Variants in TPH1 observed in about 807,000 individuals in gnomAD.
TPH1 encodes tryptophan 5-hydroxylase 1.
TPH1 carries 37 observed loss-of-function variants against 49.5 expected under a neutral mutation model. The observed-to-expected ratio is 0.75, with a 90% CI of 0.58 to 0.98. The LOEUF (loss-of-function observed/expected upper bound fraction) is 0.98, where lower values mean the gene tolerates loss of function less well. Among genes scored for constraint, TPH1 ranks in the 50% least tolerant of loss-of-function variants. The pLI is 0.00. For missense variants in TPH1, 487 were observed against 523.6 expected, an observed-to-expected ratio of 0.93 and a Z score of 0.68; for synonymous variants, 160 against 182.1, an observed-to-expected ratio of 0.88 and a Z score of 0.98.
intron 2 of TPH1, among the ~76,000 whole-genome samples, 177 bp downstream of exon 2, chr11:18,040,469 G>C (rs1162165436): frequency 6.6e-6 from 1 of 151,384 alleles, no homozygotes; most frequent in African/African-American, 2.4e-5. Flanking sequence ...CCGGACTGAA[G>C]CAATCCTCCC....
chr11:18,036,370 C>A (rs1366130111), intron 2 of TPH1, among the ~76,000 whole-genome samples: 1 of 152,200 alleles, frequency 6.6e-6, no homozygotes, highest in Non-Finnish European at 1.5e-5. Flanking sequence ...TAAAATAACA[C>A]ACACTAGAGG....
Position 18,033,328 on chromosome 11 carries a change from G to T in TPH1, c.348C>A (p.Asp116Glu). Residue 116 changes from aspartate to glutamate, a missense_variant, in exon 4 of 11, where the codon GAC becomes GAA. Asp to Glu is a conservative substitution (Grantham distance 45). Transcript: ENST00000682019. ...ACATCAGAACTCTGTTGGCACAATG[G>T]TCCAGGTCAGAAATCTTCTTTGGAA... Reference protein sequence around the residue: ...PWFPKKISDLDHCANRVLMYG... With the variant: ...PWFPKKISDLEHCANRVLMYG... 1 of 1,614,002 alleles carries T rather than the reference G, an allele frequency of 6.2e-7. No individual in the cohort carries two copies. The highest frequency in any genetic ancestry group is 8.5e-7 in the Non-Finnish European group (1 of 1,179,954).
rs765897076 is a variant in TPH1 at position 18,029,628 on chromosome 11, A to C, written c.403-49T>G. ...AAATATCCATACTAAAAAATACTTGACAAATGATATTTGGGAAACATTTCA... is the reference window on the plus strand; with the variant it reads ...AAATATCCATACTAAAAAATACTTGCCAAATGATATTTGGGAAACATTTCA... On this transcript the variant is annotated intron_variant, in intron 4 of 10. Transcript: ENST00000682019. 4.1e-6 allele frequency: 6 copies of C among 1,453,070 alleles called. No homozygotes were observed. In the South Asian group the frequency reaches 6.9e-5, roughly 17 times the overall value. The allele number at this position is 1,453,070 out of a possible 1,614,324, so 90.0% of individuals were successfully genotyped here.
intron 1 of TPH1, 28 bp from the exon 2 acceptor site, chr11:18,040,816 C>A: frequency 6.3e-7 from 1 of 1,593,154 alleles, no homozygotes; most frequent in South Asian, 1.1e-5. Context: ...AGACTACGGG[C>A]TAAAAAAGAA....
At chr11:18,041,579 C>T (rs1036956156) in intron 1 of TPH1, among the ~76,000 whole-genome samples, 1 of 152,124 alleles carries the variant, frequency 6.6e-6, no homozygotes, top group Non-Finnish European at 1.5e-5. Context: ...CATAACATGG[C>T]GTGCTATTCT....
intron 9 of TPH1, 174 bp from the exon 10 acceptor site, chr11:18,023,105 TG>T: frequency 1.5e-6 from 1 of 645,196 alleles, no homozygotes; most frequent in Non-Finnish European, 2.6e-6. Flanking sequence ...GCAAAAAAAA[TG>T]GCTTGCCCTT....
intron 10 of TPH1, among the ~76,000 whole-genome samples, chr11:18,022,415 C>G (rs1024170007): frequency 4.6e-5 from 7 of 152,178 alleles, no homozygotes; most frequent in African/African-American, 1.2e-4. Context: ...TAAGGTTACC[C>G]TGTTTGTCCA....
chr11:18,034,939 CAAG>C (rs1215760826), intron 3 of TPH1, among the ~76,000 whole-genome samples: 4 of 152,134 alleles, frequency 2.6e-5, no homozygotes, highest in African/African-American at 7.2e-5. Flanking sequence ...ACAATTTTTC[CAAG>C]AAGGAAAGAC....
At chr11:18,026,134 T>C (rs1055018138) in intron 7 of TPH1, among the ~76,000 whole-genome samples, 11 of 152,074 alleles carry the variant, frequency 7.2e-5, no homozygotes, top group African/African-American at 2.4e-4. Context: ...TCAACACCAC[T>C]CGATGCAACA....
At chr11:18,026,441 A>G (rs760106375) in intron 7 of TPH1, 49 bp downstream of exon 7, 17 of 1,475,500 alleles carry the variant, frequency 1.2e-5, no homozygotes, top group Admixed American at 3.4e-5. Context: ...AGATGCCATT[A>G]TTATAAATAA....
chr11:18,033,386 A>T lies in TPH1; in HGVS notation c.302-12T>A. 1.3e-6 allele frequency: 2 copies of T among 1,536,970 alleles called. No individual in the cohort carries two copies. The highest frequency in any genetic ancestry group is 1.1e-5 in the South Asian group (1 of 88,458). ...AACAGTTTCCATACCTGTAAAATTT[A>T]AAATAAAATAAAATAAAAACCAGTA... is the stretch of plus-strand genomic sequence containing the variant. On this transcript the variant is annotated splice_polypyrimidine_tract_variant and intron_variant, in intron 3 of 10. Coordinates refer to ENST00000682019, the MANE Select transcript of TPH1 (RefSeq NM_004179.3).
At chr11:18,040,895 C>G in intron 1 of TPH1, 107 bp from the exon 2 acceptor site, 1 of 1,102,064 alleles carries the variant, frequency 9.1e-7, no homozygotes, top group Non-Finnish European at 1.3e-6. Flanking sequence ...GTTTCTTAAC[C>G]TTTTATAAAA....
chr11:18,036,367 A>C (rs963362907), intron 2 of TPH1, among the ~76,000 whole-genome samples: 2 of 152,056 alleles, frequency 1.3e-5, no homozygotes, highest in Non-Finnish European at 2.9e-5. Flanking sequence ...CAATAAAATA[A>C]CACACACTAG....
rs1854311366 is a variant in TPH1 at position 18,017,609 on chromosome 11, A to C, written c.*3382T>G. 6.6e-6 allele frequency: 1 copy of C among 152,254 alleles called. No individual in the cohort carries two copies. The highest frequency in any genetic ancestry group is 1.5e-5 in the Non-Finnish European group (1 of 68,036). 9.4% of individuals were successfully genotyped at this position (152,254 alleles called of 1,614,324 possible). ...TATCCCACTGAATAACAAACTTGTA[A>C]ATCATAAATATATATTACATAGTAA... On this transcript the variant is annotated 3_prime_UTR_variant, in exon 11 of 11. Transcript: ENST00000682019.
Position 18,020,980 on chromosome 11 carries a change from A to T in TPH1, c.*11T>A. 2 of 1,613,750 alleles carry T rather than the reference A, an allele frequency of 1.2e-6. No individual in the cohort carries two copies. The highest frequency in any genetic ancestry group is 2.2e-5 in the South Asian group (2 of 91,038). ...ATTGATGCTCAAATGTTCCTGGATG[A>T]CTGGCTACTGTTAGATACTCGGCTT... On this transcript the variant is annotated 3_prime_UTR_variant, in exon 11 of 11. Coordinates refer to ENST00000682019, the MANE Select transcript of TPH1 (RefSeq NM_004179.3).
At chr11:18,043,171 C>T (rs935362120) in intron 1 of TPH1, among the ~76,000 whole-genome samples, 1 of 152,128 alleles carries the variant, frequency 6.6e-6, no homozygotes, top group Non-Finnish European at 1.5e-5. Flanking sequence ...GCTTTAAGAA[C>T]TGGGAGCAAG....
rs1848140164 is a variant in TPH1 at position 18,046,244 on chromosome 11, G to T, written c.-30C>A. ...CGGGAAGGGCCGCCTCACTCACCTC[G>T]GGCGCCAGTAGGTGCAGGCTGGGTC... On this transcript the variant is annotated 5_prime_UTR_variant, in exon 1 of 11. Transcript: ENST00000682019. 6.6e-6 allele frequency among the ~76,000 whole-genome samples: 1 copy of T among 152,154 alleles called. No homozygotes were observed.
At chr11:18,044,725 T>C (rs544647024) in intron 1 of TPH1, among the ~76,000 whole-genome samples, 8 of 150,652 alleles carry the variant, frequency 5.3e-5, no homozygotes, top group Non-Finnish European at 1.2e-4. Flanking sequence ...CCTTTCAACC[T>C]ACCCACCTCC....
Position 18,044,302 on chromosome 11 carries a change from G to A in TPH1, c.-27+1939C>T, listed in dbSNP as rs191562178. ...CTGGGTGTGGTGGCGGGCGCCTGTA[G>A]TCCCAGCTACTTGGGAGGCTGAGGT... On this transcript the variant is annotated intron_variant, in intron 1 of 10. Transcript: ENST00000682019. Among the ~76,000 whole-genome samples the A allele has an allele frequency of 3.8e-4, 58 of 151,974 alleles. No homozygotes were observed. In the East Asian group the frequency reaches 9.3e-3, roughly 24 times the overall value.
Sources: gnomAD v4.1 joint callset for allele counts (sites outside exome capture counted in the v4.1 genomes callset) on GRCh38, gnomAD v4.1.1 for gene constraint, MANE v1.5 for transcripts, NCBI Gene and HGNC (gene_info 2026-07-23, HGNC 2026-07-21) for gene names.